Variants in UGT2B7 observed in about 807,000 individuals in gnomAD.
UGT2B7 encodes the protein UDP glucuronosyltransferase family 2 member B7, also known as UDP-glucuronosyltransferase 2B7.
In UGT2B7, 51 loss-of-function variants were observed where a neutral mutation model predicts 51.9. The observed-to-expected ratio is 0.98, with a 90% CI of 0.78 to 1.24. The LOEUF is 1.24. Among genes scored for constraint, UGT2B7 ranks in the 50% most tolerant of loss-of-function variants. The pLI is 0.00. For synonymous variants in UGT2B7, 225 were observed against 211.6 expected (o/e 1.06, Z -0.55); for missense variants, 727 against 628.4 (o/e 1.16, Z -1.68).
At chr4:69,103,407 G>A (rs1033468267) in intron 3 of UGT2B7, among the ~76,000 whole-genome samples, 2 of 152,030 alleles carry the variant, frequency 1.3e-5, no homozygotes, top group Admixed American at 6.6e-5. Flanking sequence ...TGCATGAGTA[G>A]TTCCTATTAG....
At chr4:69,077,500 A>T (rs1291419117) in intron 1 of UGT2B7, among the ~76,000 whole-genome samples, 1 of 151,852 alleles carries the variant, frequency 6.6e-6, no homozygotes, top group Non-Finnish European at 1.5e-5. Context: ...GGTCATTCAC[A>T]TCCCTTGTAA....
upstream of UGT2B7, among the ~76,000 whole-genome samples, chr4:69,092,980 A>T (rs1719118057): frequency 6.8e-6 from 1 of 146,804 alleles, no homozygotes; most frequent in South Asian, 2.2e-4. Flanking sequence ...AAAAAAAAAC[A>T]ATATTAATAC....
At chr4:69,079,860 G>GTT (rs113841748) in intron 1 of UGT2B7, among the ~76,000 whole-genome samples, 5 of 145,730 alleles carry the variant, frequency 3.4e-5, no homozygotes, top group East Asian at 2.0e-4. Context: ...TCCAATTTTT[G>GTT]TTTTTTTTTT....
intron 2 of UGT2B7, among the ~76,000 whole-genome samples, chr4:69,099,770 T>A (rs1719365923): frequency 6.6e-6 from 1 of 152,128 alleles, no homozygotes. Context: ...TACTACTAAT[T>A]ACTTAACATG....
At chr4:69,111,098 A>C (rs1719758437) in intron 5 of UGT2B7, among the ~76,000 whole-genome samples, 1 of 152,156 alleles carries the variant, frequency 6.6e-6, no homozygotes, top group African/African-American at 2.4e-5. Context: ...GAGTACTCCA[A>C]GAGCGGGAGA....
intron 3 of UGT2B7, among the ~76,000 whole-genome samples, chr4:69,103,747 G>A (rs1245991035): frequency 4.6e-5 from 7 of 152,072 alleles, no homozygotes; most frequent in African/African-American, 1.4e-4. Flanking sequence ...TTGTACTCTG[G>A]AAGCTCTTGG....
upstream of UGT2B7, among the ~76,000 whole-genome samples, chr4:69,094,771 G>A (rs982135222): frequency 2.0e-5 from 3 of 152,202 alleles, no homozygotes; most frequent in East Asian, 1.9e-4. Flanking sequence ...ATGCAATGCT[G>A]TCAGATAGCA....
rs567088849 is a variant in UGT2B7 at position 69,080,309 on chromosome 4, A to G, written c.-158-9163A>G. On this transcript the variant is annotated intron_variant, in intron 1 of 5. Coordinates refer to the UGT2B7 transcript ENST00000502942. Reference sequence around the variant, plus strand: ...ACACCTGTAATCCCAGCACTTTGGGATGACAAGATGTTTGGATCACCTGAG... The same window carrying G: ...ACACCTGTAATCCCAGCACTTTGGGGTGACAAGATGTTTGGATCACCTGAG... Among the ~76,000 whole-genome samples, 78 of 152,236 alleles carry G rather than the reference A, an allele frequency of 5.1e-4. No homozygotes were observed. The South Asian group carries it at 7.3e-3, about 14-fold the overall frequency.
chr4:69,111,466 G>A (rs1480514978), intron 5 of UGT2B7, among the ~76,000 whole-genome samples: 1 of 152,164 alleles, frequency 6.6e-6, no homozygotes, highest in Non-Finnish European at 1.5e-5. Context: ...GGAACTTAGA[G>A]ATGATAATTC....
chr4:69,066,741 C>T (rs989701360), intron 1 of UGT2B7, among the ~76,000 whole-genome samples: 1 of 151,946 alleles, frequency 6.6e-6, no homozygotes, highest in Non-Finnish European at 1.5e-5. Context: ...GTGTAGTTAC[C>T]TTTCACAAAA....
At chr4:69,110,556 C>T (rs1719743715) in intron 5 of UGT2B7, among the ~76,000 whole-genome samples, 1 of 151,952 alleles carries the variant, frequency 6.6e-6, no homozygotes, top group Non-Finnish European at 1.5e-5. Context: ...AAGACATAAT[C>T]TGTGCTTTAT....
At chr4:69,100,503 G>T (rs1161257736) in intron 2 of UGT2B7, among the ~76,000 whole-genome samples, 6 of 151,958 alleles carry the variant, frequency 3.9e-5, no homozygotes, top group African/African-American at 1.4e-4. Context: ...CAATATCTAT[G>T]TTGAATGAAA....
At chr4:69,074,604 G>A (rs1306623441) in intron 1 of UGT2B7, among the ~76,000 whole-genome samples, 2 of 151,772 alleles carry the variant, frequency 1.3e-5, no homozygotes, top group Non-Finnish European at 2.9e-5. Context: ...ATTCTCTAAT[G>A]TAAGAGAATC....
intron 1 of UGT2B7, among the ~76,000 whole-genome samples, chr4:69,065,199 CA>C (rs1029263500): frequency 1.1e-4 from 16 of 152,092 alleles, no homozygotes; most frequent in African/African-American, 3.9e-4. Flanking sequence ...GTGTATTTTT[CA>C]GAGGGCTATT....
chr4:69,099,509 G>A (rs1042590509), intron 2 of UGT2B7, among the ~76,000 whole-genome samples: 6 of 151,954 alleles, frequency 3.9e-5, no homozygotes, highest in African/African-American at 1.4e-4. Context: ...TAAATTGCAG[G>A]AGGGCCAGAC....
intron 1 of UGT2B7, among the ~76,000 whole-genome samples, chr4:69,071,128 G>A (rs1351824988): frequency 6.6e-6 from 1 of 152,030 alleles, no homozygotes; most frequent in Non-Finnish European, 1.5e-5. Flanking sequence ...AAAAGAAGAG[G>A]CTAGTTCCCT....
chr4:69,074,427 AATAT>A (rs143693621), intron 1 of UGT2B7, among the ~76,000 whole-genome samples: 4 of 116,066 alleles, frequency 3.4e-5, no homozygotes, highest in African/African-American at 1.3e-4. Context: ...CCTTATCTTA[AATAT>A]ATATATATAT....
chr4:69,108,228 A>G lies in UGT2B7; in HGVS notation c.1216A>G (p.Met406Val). 2 of 1,613,820 alleles carry G rather than the reference A, an allele frequency of 1.2e-6. No homozygotes were observed. Among genetic ancestry groups the G allele is most frequent in the Non-Finnish European group, 1.7e-6 (2 of 1,179,738 alleles). ...FADQPDNIAHMKARGAAVRVD... is the reference protein window; with the variant it reads ...FADQPDNIAHVKARGAAVRVD... ...CGATCAACCTGATAACATTGCTCACATGAAGGCCAGGGGAGCAGCTGTTAG... is the reference window on the plus strand; with the variant it reads ...CGATCAACCTGATAACATTGCTCACGTGAAGGCCAGGGGAGCAGCTGTTAG... Residue 406 changes from methionine to valine, a missense_variant, in exon 5 of 6, where the codon ATG (methionine) becomes GTG (valine). Physicochemically the swap from Met to Val is conservative, Grantham distance 21. Coordinates refer to ENST00000305231, the MANE Select transcript of UGT2B7 (RefSeq NM_001074.4).
intron 1 of UGT2B7, among the ~76,000 whole-genome samples, chr4:69,078,440 G>C (rs1255508203): frequency 6.6e-6 from 1 of 152,018 alleles, no homozygotes; most frequent in Non-Finnish European, 1.5e-5. Context: ...ACTTTTTTTG[G>C]TTGGTAGGCT....
Sources: gnomAD v4.1 joint callset for allele counts (sites outside exome capture counted in the v4.1 genomes callset) on GRCh38, gnomAD v4.1.1 for gene constraint, MANE v1.5 for transcripts, NCBI Gene and HGNC (gene_info 2026-07-23, HGNC 2026-07-21) for gene names.